NR6A1: variants seen among roughly 807,000 people sequenced by gnomAD.
NR6A1 encodes nuclear receptor subfamily 6 group A member 1.
Under a neutral mutation model 59.1 loss-of-function variants are expected in NR6A1, and 7 were observed. The observed-to-expected ratio is 0.12, with a 90% CI of 0.07 to 0.22. The LOEUF (loss-of-function observed/expected upper bound fraction) is 0.22. Among genes scored for constraint, NR6A1 ranks in the 10% least tolerant of loss-of-function variants. NR6A1 has a pLI of 1.00. For missense variants in NR6A1, 468 were observed against 611.6 expected (o/e 0.77, Z 2.48); for synonymous variants, 243 against 236.1 (o/e 1.03, Z -0.27).
intron 2 of NR6A1, among the ~76,000 whole-genome samples, chr9:124,711,345 A>C (rs1368589657): frequency 6.6e-6 from 1 of 151,880 alleles, no homozygotes; most frequent in Non-Finnish European, 1.5e-5. Flanking sequence ...CACTTCATGG[A>C]ATCTCACACC....
chr9:124,582,162 C>G (rs1480571852), intron 2 of NR6A1, among the ~76,000 whole-genome samples: 1 of 152,032 alleles, frequency 6.6e-6, no homozygotes, highest in Non-Finnish European at 1.5e-5. Flanking sequence ...AGCAAAGATA[C>G]AGAAACAAAC....
chr9:124,643,212 A>G (rs1836818709), intron 2 of NR6A1, among the ~76,000 whole-genome samples: 1 of 152,122 alleles, frequency 6.6e-6, no homozygotes, highest in Non-Finnish European at 1.5e-5. Flanking sequence ...CTGTAATACC[A>G]TCACTTTCAG....
intron 2 of NR6A1, chr9:124,693,878 C>T (rs1281503465): frequency 2.1e-6 from 1 of 466,128 alleles, no homozygotes; most frequent in Non-Finnish European, 4.5e-6. Flanking sequence ...GCTACTATTT[C>T]CAAAACACTA....
At chr9:124,565,857 T>C (rs754319139) in intron 2 of NR6A1, among the ~76,000 whole-genome samples, 1 of 152,222 alleles carries the variant, frequency 6.6e-6, no homozygotes, top group Non-Finnish European at 1.5e-5. Context: ...AAATTTCATA[T>C]ATTGTTGGTA....
At chr9:124,695,662 G>A (rs1407370823) in intron 2 of NR6A1, among the ~76,000 whole-genome samples, 4 of 152,240 alleles carry the variant, frequency 2.6e-5, no homozygotes, top group South Asian at 4.2e-4. Context: ...GAGTCACCGC[G>A]CCCGGCCCGA....
chr9:124,536,848 C>T (rs185613398), intron 6 of NR6A1, among the ~76,000 whole-genome samples: 8 of 152,274 alleles, frequency 5.3e-5, no homozygotes, highest in African/African-American at 9.6e-5. Context: ...ATAAGCCTCG[C>T]GTCCAGACCA....
chr9:124,567,937 A>T (rs1302039431), intron 2 of NR6A1, among the ~76,000 whole-genome samples: 1 of 141,954 alleles, frequency 7.0e-6, no homozygotes, highest in Non-Finnish European at 1.5e-5. Context: ...GAACTTTGGG[A>T]GGCCAGGGCG....
intron 4 of NR6A1, among the ~76,000 whole-genome samples, chr9:124,541,457 TA>T (rs1833442607): frequency 6.6e-6 from 1 of 152,114 alleles, no homozygotes; most frequent in Non-Finnish European, 1.5e-5. Flanking sequence ...CTGTTGTATG[TA>T]AAAGAACACA....
At chr9:124,706,846 T>C (rs144679579) in intron 2 of NR6A1, among the ~76,000 whole-genome samples, 2 of 152,274 alleles carry the variant, frequency 1.3e-5, no homozygotes, top group African/African-American at 4.8e-5. Context: ...ACACTTAGAA[T>C]GTCATCCCAT....
chr9:124,643,497 G>A (rs1010281052), intron 2 of NR6A1, among the ~76,000 whole-genome samples: 2 of 151,962 alleles, frequency 1.3e-5, no homozygotes, highest in African/African-American at 4.8e-5. Flanking sequence ...GTACTCGGGA[G>A]GTTGAGGTGG....
chr9:124,651,271 C>A (rs1837095641), intron 2 of NR6A1, among the ~76,000 whole-genome samples: 2 of 152,044 alleles, frequency 1.3e-5, no homozygotes, highest in South Asian at 4.2e-4. Context: ...GTCGCCCAGG[C>A]TGGTCTCAAA....
intron 2 of NR6A1, among the ~76,000 whole-genome samples, chr9:124,617,204 C>T (rs751072528): frequency 6.6e-6 from 1 of 152,134 alleles, no homozygotes; most frequent in Non-Finnish European, 1.5e-5. Flanking sequence ...TCCTCCCTCC[C>T]GTTGTTTATT....
At chr9:124,567,620 A>G (rs1564182821) in intron 2 of NR6A1, among the ~76,000 whole-genome samples, 1 of 152,062 alleles carries the variant, frequency 6.6e-6, no homozygotes, top group South Asian at 2.1e-4. Flanking sequence ...AAAAACAAAC[A>G]AACAAAAAAG....
intron 1 of NR6A1, among the ~76,000 whole-genome samples, chr9:124,753,122 C>T (rs539003261): frequency 7.5e-4 from 114 of 152,272 alleles, no homozygotes; most frequent in Non-Finnish European, 1.4e-3. Context: ...TTAAATGGTA[C>T]AAAGAGAAGG....
intron 2 of NR6A1, among the ~76,000 whole-genome samples, chr9:124,704,702 A>G (rs573011886): frequency 1.6e-4 from 25 of 151,994 alleles, no homozygotes; most frequent in African/African-American, 6.0e-4. Flanking sequence ...ACATTTCATA[A>G]ATTTTGATAT....
At chr9:124,563,964 G>A (rs1456925222) in intron 2 of NR6A1, among the ~76,000 whole-genome samples, 1 of 152,070 alleles carries the variant, frequency 6.6e-6, no homozygotes, top group African/African-American at 2.4e-5. Context: ...TATGGTCCTA[G>A]CTACCTGGGA....
intron 2 of NR6A1, among the ~76,000 whole-genome samples, chr9:124,640,773 C>T (rs1470900260): frequency 6.6e-6 from 1 of 151,874 alleles, no homozygotes; most frequent in African/African-American, 2.4e-5. Flanking sequence ...CAGGCATGCA[C>T]CACCACACCC....
chr9:124,707,144 A>C (rs966217631), intron 2 of NR6A1, among the ~76,000 whole-genome samples: 1 of 152,054 alleles, frequency 6.6e-6, no homozygotes, highest in East Asian at 1.9e-4. Context: ...CATTACATAC[A>C]CACTTGATGT....
chr9:124,524,618 G>T, intron 9 of NR6A1, 103 bp downstream of exon 9: 1 of 1,323,620 alleles, frequency 7.6e-7, no homozygotes, highest in Non-Finnish European at 1.0e-6. Context: ...CATGCAGTTG[G>T]TGATGGGCTG....
Sources: allele counts gnomAD v4.1 joint callset (sites outside exome capture counted in the v4.1 genomes callset), GRCh38; gene constraint gnomAD v4.1.1; transcripts MANE v1.5; gene names NCBI Gene and HGNC (gene_info 2026-07-23, HGNC 2026-07-21).